CRACDL: variants seen among roughly 807,000 people sequenced by gnomAD.
CRACDL encodes CRACD-like protein.
CRACDL carries 26 observed loss-of-function variants against 70.6 expected under a neutral mutation model. The ratio of observed to expected loss-of-function variants is 0.37; its 90% CI spans 0.27 to 0.51. CRACDL has a LOEUF of 0.51. Among genes scored for constraint, CRACDL ranks in the 20% least tolerant of loss-of-function variants. CRACDL has a pLI of 0.94. For missense variants in CRACDL, 1,283 were observed against 1,376.9 expected (o/e 0.93, Z 1.08); for synonymous variants, 618 against 615.2 (o/e 1.00, Z -0.07).
At chr2:98,829,301 C>T (rs921072548) in intron 5 of CRACDL, among the ~76,000 whole-genome samples, 11 of 152,240 alleles carry the variant, frequency 7.2e-5, no homozygotes, top group African/African-American at 2.7e-4. Context: ...GCTTAACTTC[C>T]CTGACCTGTG....
At chr2:98,899,240 G>A (rs913307201) in intron 1 of CRACDL, among the ~76,000 whole-genome samples, 5 of 152,226 alleles carry the variant, frequency 3.3e-5, no homozygotes, top group East Asian at 1.9e-4. Context: ...CCTGCGGGCC[G>A]CTGGGCCACA....
chr2:98,895,244 A>T (rs1292637722), intron 1 of CRACDL, among the ~76,000 whole-genome samples: 1 of 152,252 alleles, frequency 6.6e-6, no homozygotes, highest in Non-Finnish European at 1.5e-5. Context: ...TACAACAGTG[A>T]CAACAGAGGG....
Position 98,822,824 on chromosome 2 carries a change from G to A in CRACDL, c.1449C>T (p.Pro483=). ...GCGGGCTCGGGGCGGGCGCCGTGGA[G>A]GGCTCGGTCCCAATTCTCTCGGGCT... ...GTEPERIGTE[P]STAPAPSPPA... Residue 483 remains proline, a synonymous_variant, in exon 7 of 10, where the codon CCC becomes CCT. Coordinates refer to ENST00000397899, the MANE Select transcript of CRACDL (RefSeq NM_207362.3). The surrounding 1 kb of genome is among the most constrained non-coding windows in gnomAD (Gnocchi z 4.9). 7.1e-7 allele frequency: 1 copy of A among 1,405,324 alleles called. No individual in the cohort carries two copies. The highest frequency in any genetic ancestry group is 9.2e-7 in the Non-Finnish European group (1 of 1,085,104). The allele number at this position is 1,405,324 out of a possible 1,614,324, so 87.1% of individuals were successfully genotyped here.
chr2:98,903,276 G>C (rs1336628070), intron 1 of CRACDL, among the ~76,000 whole-genome samples: 1 of 152,102 alleles, frequency 6.6e-6, no homozygotes, highest in African/African-American at 2.4e-5. Context: ...CTGCTGCATA[G>C]ACTCACGGCA....
chr2:98,931,379 G>A (rs1007818010), intron 1 of CRACDL, among the ~76,000 whole-genome samples: 6 of 150,586 alleles, frequency 4.0e-5, no homozygotes, highest in Non-Finnish European at 7.4e-5. Context: ...ACCTTGACTG[G>A]ACCAACTGCT....
chr2:98,797,083 T>C (rs1037806706), intron 8 of CRACDL, among the ~76,000 whole-genome samples: 2 of 152,236 alleles, frequency 1.3e-5, no homozygotes, highest in African/African-American at 4.8e-5. Flanking sequence ...GAGAGCTGTC[T>C]GCACTGCCTA....
intron 7 of CRACDL, among the ~76,000 whole-genome samples, chr2:98,810,632 C>T (rs1704515272): frequency 6.6e-6 from 1 of 152,128 alleles, no homozygotes. Flanking sequence ...ACACTGACGA[C>T]ACTTAGTGTT....
At chr2:98,873,666 C>T (rs1461022754) in intron 1 of CRACDL, among the ~76,000 whole-genome samples, 1 of 152,250 alleles carries the variant, frequency 6.6e-6, no homozygotes, top group Non-Finnish European at 1.5e-5. Flanking sequence ...AACATTACAA[C>T]GTGCTTTTCC....
At chr2:98,839,080 T>C (rs1705913677) in intron 2 of CRACDL, among the ~76,000 whole-genome samples, 2 of 152,264 alleles carry the variant, frequency 1.3e-5, no homozygotes, top group Non-Finnish European at 2.9e-5. Context: ...ACTACCAGGA[T>C]GCTGTCTAAT....
intron 1 of CRACDL, among the ~76,000 whole-genome samples, chr2:98,934,659 G>C (rs1364740119): frequency 6.6e-6 from 1 of 152,222 alleles, no homozygotes; most frequent in East Asian, 1.9e-4. Context: ...GATGCTTAGA[G>C]AGTAAGAACT....
At position 98,914,878 on chromosome 2, in the gene CRACDL, G is replaced by A. The variant is rs370495373; in HGVS notation, c.-11+21060C>T. Among the ~76,000 whole-genome samples the A allele has an allele frequency of 1.1e-3, 169 of 152,322 alleles. 1 individual carries two copies. Among genetic ancestry groups the A allele is most frequent in the African/African-American group, 3.8e-3 (157 of 41,572 alleles). ...TAGACAGCACCATCCCAGGACTCCA[G>A]GCCCCTGAGAGAGAAGAAGGGGAAG... On this transcript the variant is annotated intron_variant, in intron 1 of 9. Coordinates refer to ENST00000397899, the MANE Select transcript of CRACDL (RefSeq NM_207362.3).
At chr2:98,921,245 C>T (rs1030659273) in intron 1 of CRACDL, among the ~76,000 whole-genome samples, 3 of 152,252 alleles carry the variant, frequency 2.0e-5, no homozygotes, top group Admixed American at 6.5e-5. Context: ...TGTTAAGCCC[C>T]AGAAGGTCCC....
intron 1 of CRACDL, among the ~76,000 whole-genome samples, chr2:98,854,186 C>A (rs536489222): frequency 7.0e-6 from 1 of 143,456 alleles, no homozygotes; most frequent in South Asian, 2.3e-4. Context: ...GAGGCTGAGG[C>A]GGGAGAAGTG....
intron 3 of CRACDL, among the ~76,000 whole-genome samples, chr2:98,833,343 C>T (rs1262565565): frequency 1.3e-5 from 2 of 152,256 alleles, no homozygotes; most frequent in Admixed American, 1.3e-4. Flanking sequence ...AGGCCTGTCC[C>T]GGCTGCCCCA....
intron 1 of CRACDL, among the ~76,000 whole-genome samples, chr2:98,860,330 C>A (rs1706889089): frequency 6.6e-6 from 1 of 152,130 alleles, no homozygotes; most frequent in African/African-American, 2.4e-5. Context: ...AGGGACCTTG[C>A]AAAGTCAAAA....
intron 7 of CRACDL, among the ~76,000 whole-genome samples, chr2:98,814,498 T>TATTTAATTC (rs1274363836): frequency 6.6e-6 from 1 of 152,212 alleles, no homozygotes; most frequent in African/African-American, 2.4e-5. Flanking sequence ...ATCAAACTCT[T>TATTTAATTC]ATTTAATTCA....
intron 1 of CRACDL, among the ~76,000 whole-genome samples, chr2:98,925,358 T>C (rs968868585): frequency 1.3e-5 from 2 of 152,176 alleles, no homozygotes; most frequent in Non-Finnish European, 1.5e-5. Flanking sequence ...TGTTTCCAAG[T>C]TCTCGGCTTG....
chr2:98,920,483 G>T (rs1347202275), intron 1 of CRACDL, among the ~76,000 whole-genome samples: 1 of 152,100 alleles, frequency 6.6e-6, no homozygotes, highest in East Asian at 1.9e-4. Context: ...TCACCACCAA[G>T]GGGTGCCAGC....
intron 7 of CRACDL, among the ~76,000 whole-genome samples, chr2:98,805,773 G>C (rs1704265416): frequency 6.6e-6 from 1 of 152,200 alleles, no homozygotes; most frequent in Non-Finnish European, 1.5e-5. Context: ...CTGACTCCCA[G>C]GTCAGGAGGC....
Sources: gnomAD v4.1 joint callset for allele counts (sites outside exome capture counted in the v4.1 genomes callset) on GRCh38, gnomAD v4.1.1 for gene constraint, Gnocchi (gnomAD v3.1) non-coding constraint, MANE v1.5 for transcripts, NCBI Gene and HGNC (gene_info 2026-07-23, HGNC 2026-07-21) for gene names.